The following CAST variants were observed in gnomAD, a reference collection of about 807,000 sequenced individuals.
CAST encodes the protein calpastatin.
A neutral mutation model predicts 119.6 loss-of-function variants in CAST; 76 were observed. That is an observed-to-expected ratio of 0.64 (90% CI 0.53 to 0.77). The LOEUF (loss-of-function observed/expected upper bound fraction) is 0.77. Among genes scored for constraint, CAST ranks in the 30% least tolerant of loss-of-function variants. The pLI is 0.00. For synonymous variants in CAST, 319 were observed against 331.6 expected (o/e 0.96, Z 0.41); for missense variants, 953 against 946.5 (o/e 1.01, Z -0.09).
the CAST span, among the ~76,000 whole-genome samples, chr5:96,488,741 A>G: frequency 3.3e-5 from 5 of 152,214 alleles, no homozygotes; most frequent in Non-Finnish European, 7.3e-5. Flanking sequence ...GGAAGGATGT[A>G]ACAGAATCTT....
In CAST at chr5:96,536,031, GTTTTTTTTTT is replaced by G. The variant is rs533558053; in HGVS notation, c.60+6167_60+6176del. ...AATAACCATATGTTAAATATTTAAG[GTTTTTTTTTT>G]TTTTTTTTTTTTTTTAAAGAAAAAG... On this transcript the variant is annotated intron_variant, in intron 1 of 11. Transcript: ENST00000505143. 3.9e-5 allele frequency among the ~76,000 whole-genome samples: 4 copies of G among 103,856 alleles called. No homozygotes were observed. In the East Asian group the frequency reaches 1.3e-3, roughly 34 times the overall value. The allele number at this position is 103,856 out of a possible 152,430, so 68.1% of individuals were successfully genotyped here.
At chr5:96,213,191 C>T in the CAST span, among the ~76,000 whole-genome samples, 2 of 152,042 alleles carry the variant, frequency 1.3e-5, no homozygotes, top group Non-Finnish European at 2.9e-5. Context: ...TTTCTCTGCT[C>T]ATAAGTCTAT....
the CAST span, among the ~76,000 whole-genome samples, chr5:96,041,747 C>T: frequency 6.6e-6 from 1 of 151,932 alleles, no homozygotes; most frequent in Non-Finnish European, 1.5e-5. Flanking sequence ...ATAGGGCCAG[C>T]CCAGATTTGA....
chr5:96,168,929 T>C, the CAST span, among the ~76,000 whole-genome samples: 2 of 152,120 alleles, frequency 1.3e-5, no homozygotes, highest in Middle Eastern at 3.2e-3. Context: ...GCATAGTTTG[T>C]GATTTTGAGG....
At chr5:96,367,307 G>C in the CAST span, among the ~76,000 whole-genome samples, 198 of 152,262 alleles carry the variant, frequency 1.3e-3, 1 homozygote, top group African/African-American at 4.5e-3. Flanking sequence ...TCCATTCTCA[G>C]ATCTCAAACT....
At chr5:96,061,750 TAGAA>T in the CAST span, among the ~76,000 whole-genome samples, 1 of 151,664 alleles carries the variant, frequency 6.6e-6, no homozygotes, top group African/African-American at 2.4e-5. Context: ...GTCAGGGACA[TAGAA>T]AGAGAATATG....
chr5:96,184,479 G>A, the CAST span, among the ~76,000 whole-genome samples: 3 of 152,134 alleles, frequency 2.0e-5, no homozygotes, highest in Non-Finnish European at 4.4e-5. Flanking sequence ...AGCCCAGCAT[G>A]CATTAGCTGT....
At chr5:96,268,693 A>G in the CAST span, among the ~76,000 whole-genome samples, 3 of 152,240 alleles carry the variant, frequency 2.0e-5, no homozygotes, top group Non-Finnish European at 4.4e-5. Flanking sequence ...AACCACCTTC[A>G]TCTTTAAAGA....
At chr5:96,041,771 A>G in the CAST span, among the ~76,000 whole-genome samples, 4 of 152,126 alleles carry the variant, frequency 2.6e-5, no homozygotes, top group African/African-American at 9.7e-5. Context: ...CAGGTTGTGA[A>G]TAGTAGGAGG....
At chr5:96,357,408 C>T in the CAST span, among the ~76,000 whole-genome samples, 4 of 152,122 alleles carry the variant, frequency 2.6e-5, no homozygotes, top group African/African-American at 9.7e-5. Context: ...TTGTCTTGTG[C>T]TGGTTTTCAA....
chr5:96,262,921 C>T, the CAST span, among the ~76,000 whole-genome samples: 4 of 152,150 alleles, frequency 2.6e-5, no homozygotes, highest in South Asian at 6.2e-4. Context: ...CCAACTCTTC[C>T]TCCTTTATGC....
intron 1 of CAST, among the ~76,000 whole-genome samples, chr5:96,595,376 C>T (rs954345246): frequency 6.6e-6 from 1 of 152,164 alleles, no homozygotes; most frequent in Non-Finnish European, 1.5e-5. Flanking sequence ...ACAGGAATTA[C>T]GTGGAGAGTT....
chr5:96,677,158 T>C (rs1015402793), intron 2 of CAST, among the ~76,000 whole-genome samples: 30 of 152,260 alleles, frequency 2.0e-4, no homozygotes, highest in African/African-American at 7.0e-4. Context: ...TGAGCAAATA[T>C]TGAACACTTC....
chr5:96,441,644 G>A, the CAST span, among the ~76,000 whole-genome samples: 4 of 152,162 alleles, frequency 2.6e-5, no homozygotes, highest in South Asian at 8.3e-4. Context: ...AAGGGACTAT[G>A]TAAACTCAAT....
At chr5:96,602,751 A>G (rs1747177845) in intron 1 of CAST, among the ~76,000 whole-genome samples, 1 of 152,248 alleles carries the variant, frequency 6.6e-6, no homozygotes, top group African/African-American at 2.4e-5. Flanking sequence ...CACTGTCTCA[A>G]AAATAAATAG....
At chr5:96,623,837 C>A (rs1264946649) in intron 1 of CAST, among the ~76,000 whole-genome samples, 2 of 152,110 alleles carry the variant, frequency 1.3e-5, no homozygotes, top group Non-Finnish European at 2.9e-5. Flanking sequence ...GCTGCAACCA[C>A]AGGTGCATGC....
At chr5:96,184,625 G>A in the CAST span, among the ~76,000 whole-genome samples, 1 of 150,882 alleles carries the variant, frequency 6.6e-6, no homozygotes, top group African/African-American at 2.4e-5. Context: ...CTCTTCCTGT[G>A]TTAGTTTGCT....
chr5:96,649,314 CAT>C (rs993012749), intron 1 of CAST, among the ~76,000 whole-genome samples: 10 of 152,174 alleles, frequency 6.6e-5, no homozygotes, highest in African/African-American at 2.2e-4. Context: ...TCAACACAAA[CAT>C]GTGTTCCTGG....
chr5:96,693,122 T>C (rs912129884), intron 2 of CAST, among the ~76,000 whole-genome samples: 1 of 152,228 alleles, frequency 6.6e-6, no homozygotes, highest in African/African-American at 2.4e-5. Flanking sequence ...AAAAATTTAA[T>C]GAAAGATGAT....
Sources: allele counts gnomAD v4.1 joint callset (sites outside exome capture counted in the v4.1 genomes callset), GRCh38; gene constraint gnomAD v4.1.1; transcripts MANE v1.5; gene names NCBI Gene and HGNC (gene_info 2026-07-23, HGNC 2026-07-21).